CCDC171: variants seen among roughly 807,000 people sequenced by gnomAD.
CCDC171 encodes the protein coiled-coil domain-containing protein 171.
Under a neutral mutation model 168.2 loss-of-function variants are expected in CCDC171, and 177 were observed. That is an observed-to-expected ratio of 1.05 (90% CI 0.93 to 1.19). The LOEUF is 1.19. Ranked by LOEUF, CCDC171 falls within the 50% of genes most tolerant of loss-of-function variation. The pLI, the probability that CCDC171 is intolerant of heterozygous loss-of-function variation, is 0.00. For missense variants in CCDC171, 1,991 were observed against 1,539.0 expected, an observed-to-expected ratio of 1.29 and a Z score of -4.91; for synonymous variants, 687 against 540.8, an observed-to-expected ratio of 1.27 and a Z score of -3.75.
chr9:16,000,555 A>C lies in CCDC171; in HGVS notation n.369-20034A>C, dbSNP rs145980262. The stretch of plus-strand genomic sequence containing the variant: ...GGGGAGCGATTGCAGAGAATTGAGG[A>C]GAGGGAAAAAGATATGAAATATTCA... On this transcript the variant is annotated intron_variant and non_coding_transcript_variant, in intron 3 of 9. Coordinates refer to the CCDC171 transcript ENST00000486641. Among the ~76,000 whole-genome samples, 364 of 152,292 alleles carry C rather than the reference A, an allele frequency of 2.4e-3. 3 individuals are homozygous for C. Among genetic ancestry groups the C allele is most frequent in the African/African-American group, 8.2e-3 (339 of 41,568 alleles).
chr9:15,763,844 T>C (rs1462496285), intron 18 of CCDC171, among the ~76,000 whole-genome samples: 1 of 152,236 alleles, frequency 6.6e-6, no homozygotes, highest in Non-Finnish European at 1.5e-5. Context: ...GTTTCTACTT[T>C]AGAGTATTAT....
At chr9:16,084,789 CAG>C in the CCDC171 span, among the ~76,000 whole-genome samples, 1 of 152,108 alleles carries the variant, frequency 6.6e-6, no homozygotes, top group Non-Finnish European at 1.5e-5. Flanking sequence ...CTTCATTTAA[CAG>C]ATGGAAAAAC....
At chr9:15,642,354 T>TAC (rs1404657714) in intron 7 of CCDC171, among the ~76,000 whole-genome samples, 784 of 40,362 alleles carry the variant, frequency 0.019, 14 homozygotes, top group African/African-American at 0.048. Flanking sequence ...TATATATATA[T>TAC]ATATATATAT....
chr9:15,843,078 C>T (rs2060750555), intron 21 of CCDC171, among the ~76,000 whole-genome samples: 1 of 151,852 alleles, frequency 6.6e-6, no homozygotes, highest in South Asian at 2.1e-4. Flanking sequence ...ATGATCATTT[C>T]TGGAAACAAT....
chr9:15,841,152 T>C (rs2060664445), intron 21 of CCDC171, among the ~76,000 whole-genome samples: 1 of 152,098 alleles, frequency 6.6e-6, no homozygotes, highest in Admixed American at 6.6e-5. Flanking sequence ...TTGTTAATCA[T>C]CTGTCACATG....
At chr9:15,876,571 C>A (rs1386735587) in intron 24 of CCDC171, among the ~76,000 whole-genome samples, 37 of 152,002 alleles carry the variant, frequency 2.4e-4, no homozygotes. Flanking sequence ...AAATCTGATA[C>A]TAAAAAATGT....
At chr9:15,922,831 T>C (rs866598433) in intron 25 of CCDC171, among the ~76,000 whole-genome samples, 1 of 151,720 alleles carries the variant, frequency 6.6e-6, no homozygotes, top group Non-Finnish European at 1.5e-5. Context: ...ATATTGAGCA[T>C]TTTTTCATAC....
intron 6 of CCDC171, among the ~76,000 whole-genome samples, chr9:15,608,981 T>TTC (rs2043442955): frequency 1.5e-5 from 2 of 136,390 alleles, no homozygotes; most frequent in East Asian, 2.4e-4. Context: ...AAGAGTGGTT[T>TTC]TTTTTTAAAA....
In CCDC171 at chr9:15,710,581, G is replaced by T. The variant is rs368144241; in HGVS notation, c.1319-11188G>T. ...CTCCCAAAGTGCTGGGATTACAGGT[G>T]TGAGCCACTGTGCCAGGCCCTCTTT... On this transcript the variant is annotated intron_variant, in intron 11 of 25. Coordinates refer to ENST00000380701, the MANE Select transcript of CCDC171 (RefSeq NM_173550.4). Among the ~76,000 whole-genome samples the T allele has an allele frequency of 7.2e-5, 11 of 151,742 alleles. No individual in the cohort carries two copies. The East Asian group carries it at 2.2e-3, about 30-fold the overall frequency.
chr9:15,691,179 A>T (rs1402495019), intron 10 of CCDC171, among the ~76,000 whole-genome samples: 1 of 152,128 alleles, frequency 6.6e-6, no homozygotes, highest in Non-Finnish European at 1.5e-5. Context: ...TAGCAAAAAA[A>T]ACTGCCAGAA....
At chr9:15,998,926 C>G (rs1359873235) in intron 3 of CCDC171, among the ~76,000 whole-genome samples, 1 of 152,070 alleles carries the variant, frequency 6.6e-6, no homozygotes, top group African/African-American at 2.4e-5. Context: ...TTCTCATTCC[C>G]CAAAGCTACA....
chr9:15,773,974 G>A (rs974739085), intron 18 of CCDC171, among the ~76,000 whole-genome samples: 10 of 152,080 alleles, frequency 6.6e-5, no homozygotes, highest in Middle Eastern at 3.4e-3. Context: ...GGCCAGGTGC[G>A]GTGGCTCACG....
chr9:15,871,548 T>A (rs1164844382), intron 23 of CCDC171, among the ~76,000 whole-genome samples: 1 of 151,958 alleles, frequency 6.6e-6, no homozygotes, highest in African/African-American at 2.4e-5. Flanking sequence ...TTGCTTTAGA[T>A]CCTCATTCTT....
chr9:15,702,778 T>C (rs967617127), intron 11 of CCDC171, among the ~76,000 whole-genome samples: 4 of 152,232 alleles, frequency 2.6e-5, no homozygotes, highest in African/African-American at 9.6e-5. Context: ...CTTACACTTT[T>C]GTGTTATGCA....
At position 15,738,654 on chromosome 9, in the gene CCDC171, G is replaced by A. The variant is rs530800774; in HGVS notation, c.2050-5619G>A. Among the ~76,000 whole-genome samples, 10 of 151,752 alleles carry A rather than the reference G, an allele frequency of 6.6e-5. 1 individual carries two copies. The South Asian group carries it at 1.9e-3, about 29-fold the overall frequency. On this transcript the variant is annotated intron_variant, in intron 16 of 25. Coordinates refer to ENST00000380701, the MANE Select transcript of CCDC171 (RefSeq NM_173550.4). ...TTTAAAGCAAATTTGCTCTATAGCT[G>A]TTTCCACCCTTACAATCAAACAGGC... is the stretch of plus-strand genomic sequence containing the variant.
Position 15,677,908 on chromosome 9 carries a change from ATATATATATATATATAT to A in CCDC171, c.1077-849_1077-833del, listed in dbSNP as rs1423748881. ...TATATATATATATATATATATATAT[ATATATATATATATATAT>A]AAGAGATGTGGTCTCATTCTGTTAC... is the stretch of plus-strand genomic sequence containing the variant. On this transcript the variant is annotated intron_variant, in intron 9 of 25. Transcript: ENST00000380701. 2.2e-3 allele frequency among the ~76,000 whole-genome samples: 54 copies of A among 24,978 alleles called. 6 individuals are homozygous for A. The East Asian group carries it at 0.033, about 15-fold the overall frequency. The allele number at this position is 24,978 out of a possible 152,430, so 16.4% of individuals were successfully genotyped here.
chr9:15,896,836 G>T (rs1049914582), intron 24 of CCDC171, among the ~76,000 whole-genome samples: 1 of 152,036 alleles, frequency 6.6e-6, no homozygotes, highest in African/African-American at 2.4e-5. Context: ...TCTTGTATAT[G>T]TACACAAACC....
At chr9:15,647,732 C>T (rs1186821197) in intron 7 of CCDC171, among the ~76,000 whole-genome samples, 2 of 152,106 alleles carry the variant, frequency 1.3e-5, no homozygotes, top group East Asian at 1.9e-4. Context: ...CAGTAACAGG[C>T]TCTGAAATTG....
At chr9:15,893,886 A>C (rs1169343224) in intron 24 of CCDC171, among the ~76,000 whole-genome samples, 1 of 152,190 alleles carries the variant, frequency 6.6e-6, no homozygotes, top group Non-Finnish European at 1.5e-5. Context: ...AAAGACCTAG[A>C]GGCAGAAATA....
Sources: allele counts gnomAD v4.1 joint callset (sites outside exome capture counted in the v4.1 genomes callset), GRCh38; gene constraint gnomAD v4.1.1; transcripts MANE v1.5; gene names NCBI Gene and HGNC (gene_info 2026-07-23, HGNC 2026-07-21).